ATP4A: variants seen among roughly 807,000 people sequenced by gnomAD.
The protein encoded by ATP4A is potassium-transporting ATPase alpha chain 1.
ATP4A carries 73 observed loss-of-function variants against 112.1 expected under a neutral mutation model. The ratio of observed to expected loss-of-function variants is 0.65; its 90% CI spans 0.54 to 0.79. The LOEUF is 0.79. ATP4A is among the 30% of genes least tolerant of loss of function. The pLI is 0.00. For synonymous variants in ATP4A, 588 were observed against 588.9 expected (o/e 1.00, Z 0.02); for missense variants, 1,081 against 1,425.9 (o/e 0.76, Z 3.90).
rs200604186 is a variant in ATP4A at position 35,555,125 on chromosome 19, T to C, written c.2326+41A>G. ...AGCCTCCTCACAGCCCTCTCCCTCC[T>C]GTGCCCACACTGCCTGCCCTCCCCC... On this transcript the variant is annotated intron_variant, in intron 15 of 21. Coordinates refer to ENST00000262623, the MANE Select transcript of ATP4A (RefSeq NM_000704.3). This position sits in a 1 kb window ranked among gnomAD's most constrained non-coding sequence, Gnocchi z 6.6. 25 of 1,613,928 alleles carry C rather than the reference T, an allele frequency of 1.5e-5. No individual in the cohort carries two copies. In the Admixed American group the frequency reaches 3.3e-4, roughly 22 times the overall value.
At position 35,555,729 on chromosome 19, in the gene ATP4A, T is replaced by C; in HGVS notation, c.1953A>G (p.Thr651=). 6.2e-7 allele frequency: 1 copy of C among 1,613,566 alleles called. No individual in the cohort carries two copies. Among genetic ancestry groups the C allele is most frequent in the Middle Eastern group, 1.7e-4 (1 of 6,058 alleles). The change falls in exon 13 of 22, where the codon ACA becomes ACG. Residue 651 remains threonine (T), a synonymous_variant. Coordinates refer to ENST00000262623, the MANE Select transcript of ATP4A (RefSeq NM_000704.3). The surrounding 1 kb of genome is among the most constrained non-coding windows in gnomAD (Gnocchi z 6.6). The stretch of plus-strand genomic sequence containing the variant: ...GGAGGCGGGCAGCGATGTCCTCCAC[T>C]GTCTCGCTGCCTTCCGAGATGATGC... The part of the protein sequence containing the change: ...SVGIISEGSE[T]VEDIAARLRV...
chr19:35,551,031 A>G lies in ATP4A; in HGVS notation c.2966T>C (p.Ile989Thr). ...TCACCGAATGGGCATGAAGTTGAAG[A>G]TGTTGGGCATGCCGGGGCAGTAGCA... ...FLCYCPGMPN[I>T]FNFMPIRFQW... The change falls in exon 20 of 22, where the codon ATC (isoleucine) becomes ACC (threonine). Residue 989 changes from isoleucine to threonine, a missense_variant. This residue lies in a region of ATP4A where 219 missense variants were observed against 320.9 expected (regional missense o/e 0.68). Transcript: ENST00000262623. The surrounding 1 kb of genome is among the most constrained non-coding windows in gnomAD (Gnocchi z 5.2). 1 of 1,613,960 alleles carries G rather than the reference A, an allele frequency of 6.2e-7. No homozygotes were observed. Among genetic ancestry groups the G allele is most frequent in the East Asian group, 2.2e-5 (1 of 44,880 alleles).
In ATP4A at chr19:35,560,876, G is replaced by A. The variant is rs780776159; in HGVS notation, c.477C>T (p.Tyr159=). Residue 159 remains tyrosine, a synonymous_variant, in exon 5 of 22, where the codon TAC becomes TAT. Transcript: ENST00000262623. This position sits in a 1 kb window ranked among gnomAD's most constrained non-coding sequence, Gnocchi z 5.1. ...AVVVVTGCFG[Y]YQEFKSTNII... ...TGTTGGTGCTCTTGAATTCCTGGTA[G>A]TAGCCAAAGCAGCCGGTGACGACAA... 1.9e-6 allele frequency: 3 copies of A among 1,614,052 alleles called. No homozygotes were observed. Among genetic ancestry groups the A allele is most frequent in the Middle Eastern group, 1.7e-4 (1 of 6,060 alleles).
At chr19:35,553,853 G>T in intron 16 of ATP4A, 24 bp from the exon 17 acceptor site, 1 of 1,553,136 alleles carries the variant, frequency 6.4e-7, no homozygotes. Context: ...GAAGGAACTG[G>T]GACTGAGGGT....
chr19:35,557,541 A>T lies in ATP4A; in HGVS notation c.1693+114T>A. ...AAGGGTGAGGCTGTGGACTGCGACA[A>T]ATCAGCCAGCAGCCAGGGATGAGGA... is the stretch of plus-strand genomic sequence containing the variant. On this transcript the variant is annotated intron_variant, in intron 11 of 21. Transcript: ENST00000262623. This position sits in a 1 kb window ranked among gnomAD's most constrained non-coding sequence, Gnocchi z 4.4. The T allele has an allele frequency of 7.7e-7, 1 of 1,297,006 alleles. No individual in the cohort carries two copies. Among genetic ancestry groups the T allele is most frequent in the Non-Finnish European group, 1.0e-6 (1 of 954,412 alleles). The allele number at this position is 1,297,006 out of a possible 1,614,324, so 80.3% of individuals were successfully genotyped here. A position where few individuals can be genotyped will look rare whatever the true frequency, so the allele number is the denominator to read the frequency against.
chr19:35,550,676 C>T lies in ATP4A; in HGVS notation c.3080-33G>A. 1 of 1,613,698 alleles carries T rather than the reference C, an allele frequency of 6.2e-7. No homozygotes were observed. The highest frequency in any genetic ancestry group is 1.3e-5 in the African/African-American group (1 of 75,026). ...AGAGAGGGAGAAAGGAGACTCAGTGCTGGGGGTGCCACTTAGGCAGGGCCA... is the reference window on the plus strand; with the variant it reads ...AGAGAGGGAGAAAGGAGACTCAGTGTTGGGGGTGCCACTTAGGCAGGGCCA... On this transcript the variant is annotated intron_variant, in intron 21 of 21. Transcript: ENST00000262623. The surrounding 1 kb of genome is among the most constrained non-coding windows in gnomAD (Gnocchi z 4.1).
Position 35,557,960 on chromosome 19 carries a change from T to A in ATP4A, c.1501-113A>T, listed in dbSNP as rs2071641962. The A allele has an allele frequency of 1.1e-6, 1 of 881,988 alleles. No individual in the cohort carries two copies. The highest frequency in any genetic ancestry group is 1.7e-6 in the Non-Finnish European group (1 of 602,254). 54.6% of individuals were successfully genotyped at this position (881,988 alleles called of 1,614,324 possible). ...GCGGGGCCGAGAGCTCGGTGCGGGCTCTGAGAGCTGCGGGGAAGGGTGAAG... is the reference window on the plus strand; with the variant it reads ...GCGGGGCCGAGAGCTCGGTGCGGGCACTGAGAGCTGCGGGGAAGGGTGAAG... On this transcript the variant is annotated intron_variant, in intron 10 of 21. Coordinates refer to ENST00000262623, the MANE Select transcript of ATP4A (RefSeq NM_000704.3). This position sits in a 1 kb window ranked among gnomAD's most constrained non-coding sequence, Gnocchi z 4.4.
At position 35,557,494 on chromosome 19, in the gene ATP4A, C is replaced by T. The variant is rs1490682590; in HGVS notation, c.1693+161G>A. 6.6e-6 allele frequency among the ~76,000 whole-genome samples: 1 copy of T among 152,194 alleles called. No homozygotes were observed. Among genetic ancestry groups the T allele is most frequent in the East Asian group, 1.9e-4 (1 of 5,204 alleles). On this transcript the variant is annotated intron_variant, in intron 11 of 21. Transcript: ENST00000262623. This position sits in a 1 kb window ranked among gnomAD's most constrained non-coding sequence, Gnocchi z 4.4. ...GTAGAAAGTGAGGACAGACAGGGGT[C>T]AGGACTGGTACAGGGAAAGTCAAGG...
At position 35,556,990 on chromosome 19, in the gene ATP4A, C is replaced by T. The variant is rs764745880; in HGVS notation, c.1792G>A (p.Gly598Arg). 2 of 1,614,180 alleles carry T rather than the reference C, an allele frequency of 1.2e-6. No individual in the cohort carries two copies. Among genetic ancestry groups the T allele is most frequent in the South Asian group, 1.1e-5 (1 of 91,084 alleles). ...NFPSSGLCFA[G>R]LVSMIDPPRA... ...GGTGGGTCAATCATGGATACAAGTC[C>T]CGCAAAGCAGAGGCCGCTAGATGGA... is the stretch of plus-strand genomic sequence containing the variant. Residue 598 changes from glycine to arginine, a missense_variant, in exon 12 of 22, where the codon GGA becomes AGA. Transcript: ENST00000262623.
rs529732027 is a variant in ATP4A, at chr19:35,550,481, G to T, written c.*134C>A. 568 of 1,219,098 alleles carry T rather than the reference G, an allele frequency of 4.7e-4. No individual in the cohort carries two copies. Among genetic ancestry groups the T allele is most frequent in the Non-Finnish European group, 4.8e-4 (416 of 861,348 alleles). The allele number at this position is 1,219,098 out of a possible 1,614,324, so 75.5% of individuals were successfully genotyped here. A position where few individuals can be genotyped will look rare whatever the true frequency, so the allele number is the denominator to read the frequency against. On this transcript the variant is annotated 3_prime_UTR_variant, in exon 22 of 22. Coordinates refer to ENST00000262623, the MANE Select transcript of ATP4A (RefSeq NM_000704.3). This position sits in a 1 kb window ranked among gnomAD's most constrained non-coding sequence, Gnocchi z 4.1. ...GTCCCTCCAAGTTTGGGGTGCCGTG[G>T]GCTACAGAAGCAGATACTGGTGGGG...
In ATP4A at chr19:35,550,871, A is replaced by G; in HGVS notation, c.3042T>C (p.Asp1014=). The G allele has an allele frequency of 6.2e-7, 1 of 1,609,464 alleles. No individual in the cohort carries two copies. Among genetic ancestry groups the G allele is most frequent in the Non-Finnish European group, 8.5e-7 (1 of 1,175,828 alleles). The part of the protein sequence containing the change: ...LPYGILIFVY[D]EIRKLGVRCC... The stretch of plus-strand genomic sequence containing the variant: ...AGCGAACTCCAAGCTTCCGGATCTC[A>G]TCATAGACGAAGATGAGGATGCCGT... Residue 1014 remains aspartate, a synonymous_variant, in exon 21 of 22, where the codon GAT becomes GAC. Coordinates refer to ENST00000262623, the MANE Select transcript of ATP4A (RefSeq NM_000704.3). The surrounding 1 kb of genome is among the most constrained non-coding windows in gnomAD (Gnocchi z 4.1).
chr19:35,553,248 G>A, intron 17 of ATP4A, 66 bp from the exon 18 acceptor site: 2 of 1,526,224 alleles, frequency 1.3e-6, no homozygotes, highest in Non-Finnish European at 1.8e-6. Context: ...CAGGAAGAGA[G>A]GGACATGGAG....
chr19:35,555,420 C>G lies in ATP4A; in HGVS notation c.2157+20G>C, dbSNP rs1248520570. The G allele has an allele frequency of 6.2e-7, 1 of 1,609,124 alleles. No individual in the cohort carries two copies. The highest frequency in any genetic ancestry group is 1.7e-4 in the Middle Eastern group (1 of 6,038). ...CCCCGCCTGTCTGCCCGCCTGCCCACCCTCATCAGCAGGGCTCACCAGCCG... is the reference window on the plus strand; with the variant it reads ...CCCCGCCTGTCTGCCCGCCTGCCCAGCCTCATCAGCAGGGCTCACCAGCCG... On this transcript the variant is annotated intron_variant, in intron 14 of 21. Transcript: ENST00000262623. This position sits in a 1 kb window ranked among gnomAD's most constrained non-coding sequence, Gnocchi z 6.6.
chr19:35,563,070 C>A (rs1233893640), intron 3 of ATP4A, 139 bp downstream of exon 3: 1 of 851,980 alleles, frequency 1.2e-6, no homozygotes, highest in Non-Finnish European at 1.8e-6. Context: ...TTTTCTGCCT[C>A]CCTCCCTCTC....
At position 35,558,046 on chromosome 19, in the gene ATP4A, C is replaced by T. The variant is rs141259770; in HGVS notation, c.1501-199G>A. ...GTAGAAGGTAAGCGTTAAGGCGGGG[C>T]TAGGTGCAGATTTGGAGTCCTGGAC... On this transcript the variant is annotated intron_variant, in intron 10 of 21. Coordinates refer to ENST00000262623, the MANE Select transcript of ATP4A (RefSeq NM_000704.3). This position sits in a 1 kb window ranked among gnomAD's most constrained non-coding sequence, Gnocchi z 5.1. 4 of 608,540 alleles carry T rather than the reference C, an allele frequency of 6.6e-6. No individual in the cohort carries two copies. The highest frequency in any genetic ancestry group is 1.1e-5 in the Non-Finnish European group (4 of 352,170). The allele number at this position is 608,540 out of a possible 1,614,324, so 37.7% of individuals were successfully genotyped here. A position where few individuals can be genotyped will look rare whatever the true frequency, so the allele number is the denominator to read the frequency against.
At position 35,557,031 on chromosome 19, in the gene ATP4A, A is replaced by G; in HGVS notation, c.1751T>C (p.Val584Ala). The G allele has an allele frequency of 6.2e-7, 1 of 1,614,204 alleles. No individual in the cohort carries two copies. The highest frequency in any genetic ancestry group is 8.5e-7 in the Non-Finnish European group (1 of 1,180,034). ...KDYPPGYAFD[V>A]EAMNFPSSGL... The stretch of plus-strand genomic sequence containing the variant: ...GCTAGATGGAAAGTTCATGGCCTCT[A>G]CGTCGAAGGCATAGCCAGGCGGGTA... Residue 584 changes from valine (V) to alanine (A), a missense_variant, in exon 12 of 22, where the codon GTA becomes GCA. This residue lies in a region of ATP4A where 850 missense variants were observed against 1,068.2 expected (regional missense o/e 0.80). Transcript: ENST00000262623. This position sits in a 1 kb window ranked among gnomAD's most constrained non-coding sequence, Gnocchi z 4.4.
chr19:35,559,333 G>C lies in ATP4A; in HGVS notation c.1057-142C>G. The C allele has an allele frequency of 1.1e-6, 1 of 870,142 alleles. No individual in the cohort carries two copies. Among genetic ancestry groups the C allele is most frequent in the Non-Finnish European group, 1.8e-6 (1 of 562,494 alleles). The allele number at this position is 870,142 out of a possible 1,614,324, so 53.9% of individuals were successfully genotyped here. A position where few individuals can be genotyped will look rare whatever the true frequency, so the allele number is the denominator to read the frequency against. On this transcript the variant is annotated intron_variant, in intron 7 of 21. Transcript: ENST00000262623. The surrounding 1 kb of genome is among the most constrained non-coding windows in gnomAD (Gnocchi z 4.1). ...TTCTGCAAACACCAGGTGTTTTCTT[G>C]GCCCCAGCTTTTGTTCAGCCAGTGC...
intron 18 of ATP4A, among the ~76,000 whole-genome samples, chr19:35,552,614 T>C (rs1164661477): frequency 6.6e-6 from 1 of 152,166 alleles, no homozygotes; most frequent in Non-Finnish European, 1.5e-5. Flanking sequence ...ACCATGATAG[T>C]AAATGTTTAA....
In ATP4A at chr19:35,555,484, TGGTGCGCGCAAACACCATCTCGGGGTG is replaced by T. The variant is rs1279151783; in HGVS notation, c.2086_2112del (p.His696_Thr704del). The T allele has an allele frequency of 6.2e-7, 1 of 1,611,084 alleles. No homozygotes were observed. Among genetic ancestry groups the T allele is most frequent in the Non-Finnish European group, 8.5e-7 (1 of 1,178,282 alleles). On this transcript the variant is annotated inframe_deletion, in exon 14 of 22. Coordinates refer to ENST00000262623, the MANE Select transcript of ATP4A (RefSeq NM_000704.3). This position sits in a 1 kb window ranked among gnomAD's most constrained non-coding sequence, Gnocchi z 6.6. ...ACGATCACCAGCTTCTGCTGGGGGC[TGGTGCGCGCAAACACCATCTCGGGGTG>T]GGTGCGCAGGGCCTCGACCAGTTCC...
Sources: gnomAD v4.1 joint callset for allele counts (sites outside exome capture counted in the v4.1 genomes callset) on GRCh38, gnomAD v4.1.1 for gene constraint, gnomAD v4.1.1 regional missense constraint, Gnocchi (gnomAD v3.1) non-coding constraint, MANE v1.5 for transcripts, NCBI Gene and HGNC (gene_info 2026-07-23, HGNC 2026-07-21) for gene names.